The following PGLYRP2 variants were observed in gnomAD, a reference collection of about 807,000 sequenced individuals.
PGLYRP2 encodes the protein N-acetylmuramoyl-L-alanine amidase.
PGLYRP2 carries 38 observed loss-of-function variants against 46.2 expected under a neutral mutation model. The observed-to-expected ratio is 0.82, with a 90% CI of 0.64 to 1.08. The LOEUF (loss-of-function observed/expected upper bound fraction) is 1.08, where lower values mean the gene tolerates loss of function less well. Ranked by LOEUF, PGLYRP2 falls within the 50% of genes least tolerant of loss-of-function variation. The probability of loss-of-function intolerance (pLI) is 0.00; values close to 1 mark genes in which losing one functional copy is unlikely to be tolerated. For synonymous variants in PGLYRP2, 289 were observed against 329.4 expected (o/e 0.88, Z 1.33); for missense variants, 713 against 755.9 (o/e 0.94, Z 0.67).
intron 3 of PGLYRP2, 49 bp downstream of exon 3, chr19:15,471,841 C>A (rs1276115516): frequency 6.3e-7 from 1 of 1,587,102 alleles, no homozygotes. Context: ...CACTCAGACC[C>A]CATCCCCGAA....
intron 2 of PGLYRP2, among the ~76,000 whole-genome samples, chr19:15,473,935 A>G (rs1970772923): frequency 6.6e-6 from 1 of 152,224 alleles, no homozygotes; most frequent in African/African-American, 2.4e-5. Flanking sequence ...AGATATACAC[A>G]TGGCCAATAG....
intron 2 of PGLYRP2, 152 bp from the exon 3 acceptor site, chr19:15,472,252 C>T: frequency 1.6e-6 from 1 of 639,226 alleles, no homozygotes; most frequent in Non-Finnish European, 2.7e-6. Context: ...CCCTGGGGAC[C>T]AACTAACTAT....
intron 2 of PGLYRP2, among the ~76,000 whole-genome samples, chr19:15,472,630 G>C (rs1970760838): frequency 6.6e-6 from 1 of 151,630 alleles, no homozygotes; most frequent in Admixed American, 6.6e-5. Context: ...AGGCATGGTG[G>C]CTCACTCCTG....
Position 15,469,910 on chromosome 19 carries a change from C to A in PGLYRP2, c.1363G>T (p.Gly455Cys), listed in dbSNP as rs1283398088. 1 of 1,439,460 alleles carries A rather than the reference C, an allele frequency of 6.9e-7. No individual in the cohort carries two copies. The highest frequency in any genetic ancestry group is 9.1e-7 in the Non-Finnish European group (1 of 1,101,734). 89.2% of individuals were successfully genotyped at this position (1,439,460 alleles called of 1,614,324 possible). The change falls in exon 4 of 5, where the codon GGC becomes TGC. Residue 455 changes from glycine to cysteine, a missense_variant. Transcript: ENST00000340880. This position sits in a 1 kb window ranked among gnomAD's most constrained non-coding sequence, Gnocchi z 4.9. ...CAGCCGCGTCCCTCGTACACGTAGC[C>A]GTCCGAGCCCACCACGAAACTGCAG... ...IGYSFVVGSD[G>C]YVYEGRGWHW...
intron 3 of PGLYRP2, among the ~76,000 whole-genome samples, chr19:15,470,428 C>T (rs1430301344): frequency 1.3e-5 from 2 of 151,416 alleles, no homozygotes; most frequent in East Asian, 3.9e-4. Context: ...TCCGGAGTAG[C>T]TGGGATTACA....
chr19:15,476,917 G>A (rs558396316), intron 1 of PGLYRP2, among the ~76,000 whole-genome samples: 2 of 152,112 alleles, frequency 1.3e-5, no homozygotes, highest in South Asian at 4.1e-4. Context: ...TGGATTTTTG[G>A]GGTGCCAGGA....
At chr19:15,472,406 A>G (rs1970758898) in intron 2 of PGLYRP2, among the ~76,000 whole-genome samples, 1 of 152,098 alleles carries the variant, frequency 6.6e-6, no homozygotes, top group South Asian at 2.1e-4. Context: ...CCTGGCCAAC[A>G]TGGTGAAACC....
intron 1 of PGLYRP2, among the ~76,000 whole-genome samples, chr19:15,478,860 G>A (rs892136355): frequency 6.6e-6 from 1 of 152,026 alleles, no homozygotes; most frequent in Non-Finnish European, 1.5e-5. Context: ...GATCTCAAGT[G>A]ATCTGCCCGC....
At chr19:15,470,304 C>CTT (rs145256914) in intron 3 of PGLYRP2, among the ~76,000 whole-genome samples, 14 of 118,658 alleles carry the variant, frequency 1.2e-4, no homozygotes, top group Non-Finnish European at 1.6e-4. Flanking sequence ...TTCTTTCTTT[C>CTT]TTTCTTTTTT....
intron 2 of PGLYRP2, among the ~76,000 whole-genome samples, chr19:15,473,699 A>G (rs1970770423): frequency 1.3e-5 from 2 of 151,912 alleles, no homozygotes; most frequent in Non-Finnish European, 2.9e-5. Context: ...CTGCACACCA[A>G]AGATATAATC....
At position 15,469,683 on chromosome 19, in the gene PGLYRP2, G is replaced by A. The variant is rs1299242103; in HGVS notation, c.1590C>T (p.Cys530=). The A allele has an allele frequency of 2.1e-5, 32 of 1,535,336 alleles. No homozygotes were observed. The highest frequency in any genetic ancestry group is 3.5e-6 in the Non-Finnish European group (4 of 1,146,084). ...LGHRQLVRTD[C]PGDALFDLLR... ...GCAGGTCGAAGAGCGCGTCGCCGGG[G>A]CAGTCGGTGCGCACCAGCTGGCGGT... is the stretch of plus-strand genomic sequence containing the variant. The change falls in exon 4 of 5, where the codon TGC becomes TGT. Residue 530 remains cysteine, a synonymous_variant. Coordinates refer to ENST00000340880, the MANE Select transcript of PGLYRP2 (RefSeq NM_052890.4). The surrounding 1 kb of genome is among the most constrained non-coding windows in gnomAD (Gnocchi z 4.9).
intron 3 of PGLYRP2, 47 bp downstream of exon 3, chr19:15,471,842 CA>C (rs1342172892): frequency 6.3e-7 from 1 of 1,588,152 alleles, no homozygotes; most frequent in Admixed American, 1.7e-5. Flanking sequence ...ACTCAGACCC[CA>C]TCCCCGAACG....
At chr19:15,478,890 G>T (rs1961562) in intron 1 of PGLYRP2, among the ~76,000 whole-genome samples, 52,691 of 151,786 alleles carry the variant, frequency 0.35, 9,274 homozygotes, top group East Asian at 0.52. Flanking sequence ...CCAAAGTGCT[G>T]GGATTACAGG....
rs548734440 is a variant in PGLYRP2 at position 15,469,780 on chromosome 19, G to T, written c.1493C>A (p.Thr498Lys). 117 of 1,511,442 alleles carry T rather than the reference G, an allele frequency of 7.7e-5. 2 individuals carry two copies. In the East Asian group the frequency reaches 2.2e-3, roughly 28 times the overall value. The allele number at this position is 1,511,442 out of a possible 1,614,324, so 93.6% of individuals were successfully genotyped here. Reference sequence around the variant, plus strand: ...ACAACTCGGGAGCGTGTCGCGCACCGTGCGCAGAGCGGCCTCGGTGGGCAG... The same window carrying T: ...ACAACTCGGGAGCGTGTCGCGCACCTTGCGCAGAGCGGCCTCGGTGGGCAG... ...AALPTEAALR[T>K]VRDTLPSCAV... Residue 498 changes from threonine (T) to lysine (K), a missense_variant, in exon 4 of 5, where the codon ACG becomes AAG. By Grantham distance (78) the Thr-to-Lys change is moderately conservative. Coordinates refer to ENST00000340880, the MANE Select transcript of PGLYRP2 (RefSeq NM_052890.4). The surrounding 1 kb of genome is among the most constrained non-coding windows in gnomAD (Gnocchi z 4.9).
In PGLYRP2 at chr19:15,475,628, G is replaced by T. The variant is rs200031382; in HGVS notation, c.1042C>A (p.Pro348Thr). Reference protein sequence around the residue: ...GTLVLLQRLEPVHLQLQCMSQ... With the variant: ...GTLVLLQRLETVHLQLQCMSQ... ...ATGCACTGAAGCTGGAGGTGTACTG[G>T]CTCCAGCCTCTGTAGAAGGACAAGG... is the stretch of plus-strand genomic sequence containing the variant. Residue 348 changes from proline (P) to threonine (T), a missense_variant, in exon 2 of 5, where the codon CCA becomes ACA. Physicochemically the swap from Pro to Thr is conservative, Grantham distance 38 (BLOSUM62 -1). Transcript: ENST00000340880. The T allele has an allele frequency of 9.3e-6, 15 of 1,614,138 alleles. No homozygotes were observed. The Admixed American group carries it at 2.5e-4, about 27-fold the overall frequency.
At position 15,476,245 on chromosome 19, in the gene PGLYRP2, A is replaced by G; in HGVS notation, c.425T>C (p.Leu142Ser). 6.2e-7 allele frequency: 1 copy of G among 1,614,170 alleles called. No homozygotes were observed. Among genetic ancestry groups the G allele is most frequent in the Non-Finnish European group, 8.5e-7 (1 of 1,180,026 alleles). ...LQGRRVINLP[L>S]DSMAAPWETG... ...CTCCCAAGGGGCAGCCATGCTGTCCAAGGGCAAATTTATGACCCTGCGCCC... is the reference window on the plus strand; with the variant it reads ...CTCCCAAGGGGCAGCCATGCTGTCCGAGGGCAAATTTATGACCCTGCGCCC... Residue 142 changes from leucine to serine, a missense_variant, in exon 2 of 5, where the codon TTG (leucine) becomes TCG (serine). By Grantham distance (145) the Leu-to-Ser change is moderately radical (BLOSUM62 -2). Coordinates refer to ENST00000340880, the MANE Select transcript of PGLYRP2 (RefSeq NM_052890.4).
chr19:15,474,980 CAAA>C (rs34586297), intron 2 of PGLYRP2, among the ~76,000 whole-genome samples: 11 of 125,062 alleles, frequency 8.8e-5, no homozygotes, highest in Non-Finnish European at 8.7e-5. Context: ...GAGAGAGACT[CAAA>C]AAAAAAAAAA....
Position 15,476,209 on chromosome 19 carries a change from G to A in PGLYRP2, c.461C>T (p.Thr154Ile). The A allele has an allele frequency of 6.2e-7, 1 of 1,614,138 alleles. No individual in the cohort carries two copies. Among genetic ancestry groups the A allele is most frequent in the Non-Finnish European group, 8.5e-7 (1 of 1,180,024 alleles). The part of the protein sequence containing the change: ...SMAAPWETGD[T>I]FPDVVAIAPD... Reference sequence around the variant, plus strand: ...AGCAATGGCCACAACATCTGGAAAGGTATCTCCAGTCTCCCAAGGGGCAGC... The same window carrying A: ...AGCAATGGCCACAACATCTGGAAAGATATCTCCAGTCTCCCAAGGGGCAGC... The change falls in exon 2 of 5, where the codon ACC becomes ATC. Residue 154 changes from threonine to isoleucine, a missense_variant. By Grantham distance (89) the Thr-to-Ile change is moderately conservative. Transcript: ENST00000340880.
Position 15,469,635 on chromosome 19 carries a change from G to T in PGLYRP2, c.1638C>A (p.Thr546=). 1 of 1,574,358 alleles carries T rather than the reference G, an allele frequency of 6.4e-7. No homozygotes were observed. The highest frequency in any genetic ancestry group is 8.6e-7 in the Non-Finnish European group (1 of 1,165,404). Residue 546 remains threonine (T), a synonymous_variant, in exon 4 of 5, where the codon ACC becomes ACA. Transcript: ENST00000340880. The surrounding 1 kb of genome is among the most constrained non-coding windows in gnomAD (Gnocchi z 4.9). ...AGTGCAGGCTGCGAAGACTCACCGC[G>T]GTGAAGTGCGGCCAGGTGCGCAGCA... ...FDLLRTWPHF[T]ATVKPRPARS... is the part of the protein sequence containing the mutation.
Sources: allele counts gnomAD v4.1 joint callset (sites outside exome capture counted in the v4.1 genomes callset), GRCh38; gene constraint gnomAD v4.1.1; non-coding constraint Gnocchi (gnomAD v3.1); transcripts MANE v1.5; gene names NCBI Gene and HGNC (gene_info 2026-07-23, HGNC 2026-07-21).